Variants in TARM1 observed in about 807,000 individuals in gnomAD.
TARM1 encodes T-cell-interacting, activating receptor on myeloid cells protein 1.
Under a neutral mutation model 30.4 loss-of-function variants are expected in TARM1, and 24 were observed. That is an observed-to-expected ratio of 0.79 (90% CI 0.57 to 1.11). TARM1 has a LOEUF of 1.11. Ranked by LOEUF, TARM1 falls within the 50% of genes least tolerant of loss-of-function variation. TARM1 has a pLI of 0.00. For synonymous variants in TARM1, 129 were observed against 138.9 expected (o/e 0.93, Z 0.50); for missense variants, 323 against 332.8 (o/e 0.97, Z 0.23).
intron 4 of TARM1, among the ~76,000 whole-genome samples, chr19:54,071,128 T>C (rs1446402063): frequency 3.3e-5 from 5 of 152,076 alleles, no homozygotes; most frequent in African/African-American, 1.2e-4. Flanking sequence ...CGGCTAATTT[T>C]TGTATTTTTA....
Position 54,074,113 on chromosome 19 carries a change from AG to A in TARM1, c.464del (p.Pro155LeufsTer7). On this transcript the variant is annotated frameshift_variant, in exon 4 of 5. Coordinates refer to ENST00000432826, the MANE Select transcript of TARM1 (RefSeq NM_001135686.3). ...CTGCCTTCAGTAGAGCGAACATGAT[AG>A]GCACAAACAATTGGTCTCGCTTCTG... ...QCQKRDQLFV[P>X]IMFALLKAGT... 1 of 1,551,714 alleles carries A rather than the reference AG, an allele frequency of 6.4e-7. No homozygotes were observed. The highest frequency in any genetic ancestry group is 8.7e-7 in the Non-Finnish European group (1 of 1,147,012).
intron 2 of TARM1, among the ~76,000 whole-genome samples, 178 bp from the exon 3 acceptor site, chr19:54,075,292 A>T (rs2071921558): frequency 1.3e-5 from 2 of 151,794 alleles, no homozygotes; most frequent in African/African-American, 2.4e-5. Flanking sequence ...GGTTAAAGCA[A>T]TTCTCCTGCC....
chr19:54,076,999 G>C (rs147317311), intron 1 of TARM1, among the ~76,000 whole-genome samples: 31 of 152,274 alleles, frequency 2.0e-4, no homozygotes, highest in African/African-American at 6.7e-4. Context: ...AAAGGGGAAA[G>C]CATACGTTCC....
chr19:54,073,802 A>T lies in TARM1; in HGVS notation c.658+118T>A, dbSNP rs587680189. On this transcript the variant is annotated intron_variant, in intron 4 of 4. Transcript: ENST00000432826. ...GCCACCACGCCAGGCCAGAAAGGGA[A>T]GATTTTGTTAAGAGCGATGATATTG... 17 of 1,310,946 alleles carry T rather than the reference A, an allele frequency of 1.3e-5. No individual in the cohort carries two copies. The East Asian group carries it at 4.3e-4, about 33-fold the overall frequency. 81.2% of individuals were successfully genotyped at this position (1,310,946 alleles called of 1,614,324 possible). A position where few individuals can be genotyped will look rare whatever the true frequency, so the allele number is the denominator to read the frequency against.
At chr19:54,073,484 T>C (rs2071864164) in intron 4 of TARM1, among the ~76,000 whole-genome samples, 1 of 151,604 alleles carries the variant, frequency 6.6e-6, no homozygotes, top group African/African-American at 2.4e-5. Context: ...TTTGTTGTTT[T>C]TGTTTTTGTT....
intron 4 of TARM1, among the ~76,000 whole-genome samples, chr19:54,072,952 T>A (rs2071847760): frequency 6.6e-6 from 1 of 151,820 alleles, no homozygotes; most frequent in South Asian, 2.1e-4. Flanking sequence ...CACTCCACCC[T>A]GGGCAACAGA....
intron 1 of TARM1, among the ~76,000 whole-genome samples, chr19:54,080,128 G>GAAAAAAGA (rs2072072082): frequency 1.0e-4 from 4 of 38,722 alleles, no homozygotes; most frequent in African/African-American, 3.7e-4. Context: ...AGGAAGGAAG[G>GAAAAAAGA]AAGGAAGGAA....
Position 54,074,025 on chromosome 19 carries a change from C to A in TARM1, c.553G>T (p.Asp185Tyr), listed in dbSNP as rs1185896551. ...AGKEIDFSLV[D>Y]VTAGDAGNYS... Reference sequence around the variant, plus strand: ...TTCCCAGCATCGCCGGCTGTCACGTCCACCAGAGAGAAGTCTATCTCCTTC... The same window carrying A: ...TTCCCAGCATCGCCGGCTGTCACGTACACCAGAGAGAAGTCTATCTCCTTC... Residue 185 changes from aspartate (D) to tyrosine (Y), a missense_variant, in exon 4 of 5, where the codon GAC (aspartate) becomes TAC (tyrosine). Asp to Tyr is a radical substitution (Grantham distance 160, BLOSUM62 -3). Coordinates refer to ENST00000432826, the MANE Select transcript of TARM1 (RefSeq NM_001135686.3). The A allele has an allele frequency of 1.8e-5, 28 of 1,551,540 alleles. No individual in the cohort carries two copies. The highest frequency in any genetic ancestry group is 2.4e-5 in the Non-Finnish European group (27 of 1,147,000).
At chr19:54,076,053 T>G (rs587743465) in intron 1 of TARM1, 135 bp from the exon 2 acceptor site, 411 of 1,434,350 alleles carry the variant, frequency 2.9e-4, no homozygotes, top group South Asian at 8.9e-4. Flanking sequence ...GAGTTCTCAT[T>G]CTCCCCACAC....
At chr19:54,080,096 G>GAAAGA (rs1568511501) in intron 1 of TARM1, among the ~76,000 whole-genome samples, 1 of 40,118 alleles carries the variant, frequency 2.5e-5, no homozygotes, top group African/African-American at 1.0e-4. Flanking sequence ...AGAAAGAAAG[G>GAAAGA]AAGGAAGGAA....
At chr19:54,081,196 C>G (rs1024819696) in intron 1 of TARM1, 111 bp downstream of exon 1, 75 of 1,011,714 alleles carry the variant, frequency 7.4e-5, no homozygotes, top group Non-Finnish European at 1.0e-4. Flanking sequence ...TCTCACTCCT[C>G]CCGTGTGCTC....
chr19:54,075,911 G>A lies in TARM1; in HGVS notation c.42C>T (p.Cys14=), dbSNP rs899888207. The A allele has an allele frequency of 3.2e-6, 5 of 1,551,018 alleles. No individual in the cohort carries two copies. The highest frequency in any genetic ancestry group is 2.7e-5 in the African/African-American group (2 of 72,998). The part of the protein sequence containing the change: ...KLLSLLCFRL[C]VGQGDTRGDG... ...CTCCCCTTGTGTCTCCTTGGCCCACGCACAGTCCTGCAAGACAATCCTCCG... is the reference window on the plus strand; with the variant it reads ...CTCCCCTTGTGTCTCCTTGGCCCACACACAGTCCTGCAAGACAATCCTCCG... Residue 14 remains cysteine (C), a synonymous_variant, in exon 2 of 5, where the codon TGC becomes TGT. Coordinates refer to ENST00000432826, the MANE Select transcript of TARM1 (RefSeq NM_001135686.3).
At chr19:54,076,439 T>C in intron 1 of TARM1, 1 of 467,786 alleles carries the variant, frequency 2.1e-6, no homozygotes, top group Non-Finnish European at 3.8e-6. Context: ...CTCGGCTCAC[T>C]GCAACCTCCG....
At chr19:54,080,155 G>GAAAGAAAT (rs2072080477) in intron 1 of TARM1, among the ~76,000 whole-genome samples, 1 of 108,200 alleles carries the variant, frequency 9.2e-6, no homozygotes, top group African/African-American at 3.3e-5. Flanking sequence ...AAGCAAGCAA[G>GAAAGAAAT]CAAGCAAGCA....
intron 2 of TARM1, 148 bp downstream of exon 2, chr19:54,075,735 G>C: frequency 2.3e-6 from 2 of 859,112 alleles, no homozygotes; most frequent in South Asian, 1.7e-5. Context: ...GGAGGTTGCT[G>C]TAAGCCGAGA....
chr19:54,074,995 C>G lies in TARM1; in HGVS notation c.190G>C (p.Gly64Arg). ...GGCTTCGGGGACTCCAGAATAATTC[C>G]TCCCTTCCTGAGAACAAAGCTCACA... ...RGVSFVLRKG[G>R]IILESPKPLD... The change falls in exon 3 of 5, where the codon GGA becomes CGA. Residue 64 changes from glycine to arginine, a missense_variant. Physicochemically the swap from Gly to Arg is moderately radical, Grantham distance 125. Coordinates refer to ENST00000432826, the MANE Select transcript of TARM1 (RefSeq NM_001135686.3). 1 of 1,551,536 alleles carries G rather than the reference C, an allele frequency of 6.4e-7. No homozygotes were observed. Among genetic ancestry groups the G allele is most frequent in the South Asian group, 1.2e-5 (1 of 84,040 alleles).
chr19:54,079,873 G>A (rs954747836), intron 1 of TARM1, among the ~76,000 whole-genome samples: 10 of 151,432 alleles, frequency 6.6e-5, no homozygotes, highest in African/African-American at 2.2e-4. Flanking sequence ...GGTGTGTGGT[G>A]GGCACCTGTA....
chr19:54,080,087 GAA>G (rs1215991944), intron 1 of TARM1, among the ~76,000 whole-genome samples: 23 of 68,820 alleles, frequency 3.3e-4, no homozygotes, highest in Middle Eastern at 6.8e-3. Context: ...AGGAGAAAGA[GAA>G]AGAAAGGAAG....
In TARM1 at chr19:54,074,331, T is replaced by C. The variant is rs2071890798; in HGVS notation, c.362-115A>G. On this transcript the variant is annotated intron_variant, in intron 3 of 4. Transcript: ENST00000432826. ...TGTGGGAAATGAGAGATTCCTGATC[T>C]CTTCTACCTTCCTCCACTTCCTACT... is the stretch of plus-strand genomic sequence containing the variant. 4.0e-6 allele frequency: 4 copies of C among 995,446 alleles called. No homozygotes were observed. In the African/African-American group the frequency reaches 4.9e-5, roughly 12 times the overall value. 61.7% of individuals were successfully genotyped at this position (995,446 alleles called of 1,614,324 possible). A position where few individuals can be genotyped will look rare whatever the true frequency, so the allele number is the denominator to read the frequency against.
Sources: allele counts gnomAD v4.1 joint callset (sites outside exome capture counted in the v4.1 genomes callset), GRCh38; gene constraint gnomAD v4.1.1; transcripts MANE v1.5; gene names NCBI Gene and HGNC (gene_info 2026-07-23, HGNC 2026-07-21).